N4BP2: variants seen among roughly 807,000 people sequenced by gnomAD.
N4BP2 encodes the protein NEDD4 binding protein 2.
In N4BP2, 91 loss-of-function variants were observed where a neutral mutation model predicts 152.8. The observed-to-expected ratio is 0.60, with a 90% CI of 0.50 to 0.71. N4BP2 has a LOEUF of 0.71. Among genes scored for constraint, N4BP2 ranks in the 30% least tolerant of loss-of-function variants. The probability of loss-of-function intolerance (pLI) is 0.00; values close to 1 mark genes in which losing one functional copy is unlikely to be tolerated. For missense variants in N4BP2, 1,923 were observed against 2,059.1 expected, an observed-to-expected ratio of 0.93 and a Z score of 1.28; for synonymous variants, 646 against 705.3, an observed-to-expected ratio of 0.92 and a Z score of 1.33.
chr4:40,107,435 G>A (rs999264254), intron 5 of N4BP2, among the ~76,000 whole-genome samples: 3 of 151,416 alleles, frequency 2.0e-5, no homozygotes, highest in Non-Finnish European at 2.9e-5. Flanking sequence ...CCAGGCTGTA[G>A]TACAGTGGTG....
intron 4 of N4BP2, among the ~76,000 whole-genome samples, chr4:40,103,893 G>A (rs1715951086): frequency 1.3e-5 from 2 of 152,088 alleles, no homozygotes; most frequent in Admixed American, 1.3e-4. Context: ...TGTTTTCATA[G>A]TCCCTCTCTA....
intron 14 of N4BP2, among the ~76,000 whole-genome samples, chr4:40,139,545 G>T (rs1235280408): frequency 5.5e-5 from 8 of 145,552 alleles, no homozygotes. Flanking sequence ...AGGCTGGAGT[G>T]CAGTGGCGCG....
chr4:40,132,544 T>C (rs1718994354), intron 13 of N4BP2, among the ~76,000 whole-genome samples: 2 of 152,138 alleles, frequency 1.3e-5, no homozygotes, highest in South Asian at 2.1e-4. Flanking sequence ...TCTCCAAATA[T>C]ATATTTTAAG....
At chr4:40,132,912 G>A (rs1719027829) in intron 13 of N4BP2, among the ~76,000 whole-genome samples, 1 of 139,292 alleles carries the variant, frequency 7.2e-6, no homozygotes, top group African/African-American at 2.8e-5. Context: ...ATGAAATGGT[G>A]TTGGTCTGTG....
chr4:40,063,072 A>G (rs966303517), intron 1 of N4BP2, among the ~76,000 whole-genome samples: 4 of 152,232 alleles, frequency 2.6e-5, no homozygotes, highest in Non-Finnish European at 1.5e-5. Context: ...TTGATAGATG[A>G]AAGTTTTCTA....
chr4:40,187,747 C>A, the N4BP2 span, among the ~76,000 whole-genome samples: 1 of 152,226 alleles, frequency 6.6e-6, no homozygotes, highest in African/African-American at 2.4e-5. Flanking sequence ...CAGCATATGT[C>A]TGTAACATCT....
intron 17 of N4BP2, 43 bp downstream of exon 17, chr4:40,152,946 T>A: frequency 6.3e-7 from 1 of 1,596,234 alleles, no homozygotes; most frequent in East Asian, 2.2e-5. Flanking sequence ...ACTGCCCATA[T>A]AGATCTTTAT....
Position 40,136,926 on chromosome 4 carries a change from T to A in N4BP2, c.4647-18T>A. ...TTTTCATTTATTGACATTATGTTTC[T>A]ACTTAAATTTTCTACAGCTATTCAT... On this transcript the variant is annotated intron_variant, in intron 13 of 17. Coordinates refer to ENST00000261435, the MANE Select transcript of N4BP2 (RefSeq NM_018177.6). 1 of 1,576,746 alleles carries A rather than the reference T, an allele frequency of 6.3e-7. No individual in the cohort carries two copies. Among genetic ancestry groups the A allele is most frequent in the Non-Finnish European group, 8.7e-7 (1 of 1,151,374 alleles).
intron 1 of N4BP2, among the ~76,000 whole-genome samples, chr4:40,059,432 G>T (rs1361348403): frequency 6.6e-6 from 1 of 151,828 alleles, no homozygotes; most frequent in Admixed American, 6.6e-5. Context: ...TCACTCTGTC[G>T]CCCAGGCTGG....
At chr4:40,086,936 T>TG (rs1007653491) in intron 2 of N4BP2, among the ~76,000 whole-genome samples, 27 of 151,804 alleles carry the variant, frequency 1.8e-4, no homozygotes, top group African/African-American at 4.6e-4. Flanking sequence ...TTTGTAGAGA[T>TG]GGGGGTCTCA....
At chr4:40,104,435 T>C (rs1228808163) in intron 4 of N4BP2, among the ~76,000 whole-genome samples, 1 of 152,034 alleles carries the variant, frequency 6.6e-6, no homozygotes, top group African/African-American at 2.4e-5. Context: ...ATCTTTTCTG[T>C]GTCTGGGTTT....
At chr4:40,159,394 T>C (rs908770180), downstream of N4BP2, among the ~76,000 whole-genome samples, 1 of 152,206 alleles carries the variant, frequency 6.6e-6, no homozygotes, top group African/African-American at 2.4e-5. Flanking sequence ...ATCCCAGGGA[T>C]AAAAATTCCA....
rs1322323788 is a variant in N4BP2, at chr4:40,157,403, G to A, written c.*3166G>A. 1.3e-5 allele frequency: 2 copies of A among 151,944 alleles called. No individual in the cohort carries two copies. 9.4% of individuals were successfully genotyped at this position (151,944 alleles called of 1,614,324 possible). A position where few individuals can be genotyped will look rare whatever the true frequency, so the allele number is the denominator to read the frequency against. On this transcript the variant is annotated 3_prime_UTR_variant, in exon 18 of 18. Transcript: ENST00000261435. ...AGAAGAAAAGCTATACTGCTCTTCT[G>A]GATGGTTTCCATCCTTTATTTAGGT...
chr4:40,157,686 T>C lies in N4BP2; in HGVS notation c.*3449T>C, dbSNP rs542407533. 1 of 152,324 alleles carries C rather than the reference T, an allele frequency of 6.6e-6. No homozygotes were observed. The highest frequency in any genetic ancestry group is 2.4e-5 in the African/African-American group (1 of 41,578). The allele number at this position is 152,324 out of a possible 1,614,324, so 9.4% of individuals were successfully genotyped here. ...GGTGAAGTTTGGTAATTTTTCGGTG[T>C]AGTAGTTAAATATTGCTCAATTTTT... is the stretch of plus-strand genomic sequence containing the variant. On this transcript the variant is annotated 3_prime_UTR_variant, in exon 18 of 18. Coordinates refer to ENST00000261435, the MANE Select transcript of N4BP2 (RefSeq NM_018177.6).
rs140952051 is a variant in N4BP2, at chr4:40,064,556, A to T, written c.-212+7526A>T. ...CCAAAGTGCTGGGGTTACAGGCGTG[A>T]GCCACCGCGCCCGGCAATAACAAGT... is the stretch of plus-strand genomic sequence containing the variant. On this transcript the variant is annotated intron_variant, in intron 1 of 17. Transcript: ENST00000261435. Among the ~76,000 whole-genome samples the T allele has an allele frequency of 4.0e-3, 602 of 152,222 alleles. 4 individuals are homozygous for T. The highest frequency in any genetic ancestry group is 0.014 in the African/African-American group (579 of 41,528).
At chr4:40,134,429 T>C (rs931118922) in intron 13 of N4BP2, among the ~76,000 whole-genome samples, 2 of 152,096 alleles carry the variant, frequency 1.3e-5, no homozygotes, top group East Asian at 1.9e-4. Context: ...GCCAGGGCCC[T>C]CATGTTAGGT....
downstream of N4BP2, among the ~76,000 whole-genome samples, chr4:40,159,861 A>C (rs75145498): frequency 6.6e-5 from 10 of 152,154 alleles, no homozygotes; most frequent in African/African-American, 2.4e-4. Context: ...AATCAAAAAA[A>C]GGAAATCACA....
intron 1 of N4BP2, among the ~76,000 whole-genome samples, chr4:40,064,124 C>T (rs2109886913): frequency 6.6e-6 from 1 of 152,130 alleles, no homozygotes; most frequent in East Asian, 1.9e-4. Context: ...AACCACCTTT[C>T]TGATTATGAA....
chr4:40,129,105 G>A (rs1043154137), intron 12 of N4BP2, among the ~76,000 whole-genome samples: 8 of 151,716 alleles, frequency 5.3e-5, no homozygotes, highest in Non-Finnish European at 1.2e-4. Context: ...GCTGGAGTGC[G>A]GTGGCACCAT....
Sources: gnomAD v4.1 joint callset for allele counts (sites outside exome capture counted in the v4.1 genomes callset) on GRCh38, gnomAD v4.1.1 for gene constraint, MANE v1.5 for transcripts, NCBI Gene and HGNC (gene_info 2026-07-23, HGNC 2026-07-21) for gene names.